The following GALNTL6 variants were observed in gnomAD, a reference collection of about 807,000 sequenced individuals.
GALNTL6 encodes the protein polypeptide N-acetylgalactosaminyltransferase-like 6.
A neutral mutation model predicts 73.7 loss-of-function variants in GALNTL6; 46 were observed. That is an observed-to-expected ratio of 0.62 (90% CI 0.49 to 0.80). GALNTL6 has a LOEUF of 0.80. Ranked by LOEUF, GALNTL6 falls within the 30% of genes least tolerant of loss-of-function variation. The probability of loss-of-function intolerance (pLI) is 0.00; values close to 1 mark genes in which losing one functional copy is unlikely to be tolerated. For missense variants in GALNTL6, 604 were observed against 755.0 expected, an observed-to-expected ratio of 0.80 and a Z score of 2.34; for synonymous variants, 259 against 263.7, an observed-to-expected ratio of 0.98 and a Z score of 0.17.
chr4:172,629,534 A>G (rs1181535424), intron 5 of GALNTL6, among the ~76,000 whole-genome samples: 2 of 152,132 alleles, frequency 1.3e-5, no homozygotes. Context: ...TTACTTTTGC[A>G]TTTAATTAAA....
At chr4:172,531,365 C>T (rs1336190751) in intron 5 of GALNTL6, among the ~76,000 whole-genome samples, 4 of 152,166 alleles carry the variant, frequency 2.6e-5, no homozygotes, top group Non-Finnish European at 5.9e-5. Context: ...GCTTTTTAAC[C>T]ATTGAGAGAA....
intron 2 of GALNTL6, among the ~76,000 whole-genome samples, chr4:172,122,118 T>G (rs761924703): frequency 2.6e-5 from 4 of 151,274 alleles, no homozygotes; most frequent in Non-Finnish European, 5.9e-5. Context: ...TATCATCTAG[T>G]ATCCCATGAC....
At chr4:172,676,368 A>G (rs1732301507) in intron 5 of GALNTL6, among the ~76,000 whole-genome samples, 1 of 152,156 alleles carries the variant, frequency 6.6e-6, no homozygotes, top group Non-Finnish European at 1.5e-5. Context: ...CAGGAGAAAA[A>G]TTCGTGAAGC....
At chr4:172,573,311 A>G (rs1736834746) in intron 5 of GALNTL6, among the ~76,000 whole-genome samples, 1 of 152,180 alleles carries the variant, frequency 6.6e-6, no homozygotes, top group Non-Finnish European at 1.5e-5. Context: ...GCTAGTTGCC[A>G]AGGTCAAGAT....
At chr4:172,539,240 A>G (rs1207196865) in intron 5 of GALNTL6, among the ~76,000 whole-genome samples, 1 of 152,204 alleles carries the variant, frequency 6.6e-6, no homozygotes, top group Admixed American at 6.5e-5. Context: ...ATGTGTGATC[A>G]TTATTAGCAT....
At chr4:171,927,231 T>C (rs1204868049) in intron 2 of GALNTL6, among the ~76,000 whole-genome samples, 1 of 152,182 alleles carries the variant, frequency 6.6e-6, no homozygotes, top group Non-Finnish European at 1.5e-5. Context: ...TTTTAACTGA[T>C]AAGATGCCTT....
intron 4 of GALNTL6, among the ~76,000 whole-genome samples, chr4:172,318,979 C>T (rs1740666266): frequency 6.6e-6 from 1 of 152,072 alleles, no homozygotes; most frequent in African/African-American, 2.4e-5. Context: ...AGAAAAAAAT[C>T]TGAAAATTTG....
intron 2 of GALNTL6, among the ~76,000 whole-genome samples, chr4:172,010,890 T>G (rs1740986212): frequency 1.3e-5 from 2 of 152,060 alleles, no homozygotes; most frequent in Non-Finnish European, 2.9e-5. Flanking sequence ...TAAGAGTAAT[T>G]TTTCAGAAAG....
chr4:172,501,312 T>A (rs1230676645), intron 5 of GALNTL6, among the ~76,000 whole-genome samples: 1 of 152,204 alleles, frequency 6.6e-6, no homozygotes, highest in African/African-American at 2.4e-5. Flanking sequence ...AAAAACCTTA[T>A]TTAGTTATCA....
rs147689461 is a variant in GALNTL6 at position 172,136,930 on chromosome 4, A to G, written c.139-92726A>G. Among the ~76,000 whole-genome samples the G allele has an allele frequency of 1.1e-3, 174 of 152,154 alleles. 1 individual carries two copies. The highest frequency in any genetic ancestry group is 8.5e-3 in the East Asian group (44 of 5,180). ...TAAATAATTAGTCCCCGAAAAACAA[A>G]GCCTGCTTATTCTTACCTTTCCTAT... On this transcript the variant is annotated intron_variant, in intron 2 of 12. Coordinates refer to ENST00000506823, the MANE Select transcript of GALNTL6 (RefSeq NM_001034845.3).
intron 3 of GALNTL6, among the ~76,000 whole-genome samples, chr4:172,269,738 CTCTT>C (rs1212189404): frequency 3.4e-5 from 5 of 146,438 alleles, no homozygotes; most frequent in Admixed American, 1.4e-4. Context: ...CTCTCTCTCT[CTCTT>C]TAATTTTTTT....
At chr4:172,601,588 C>A (rs772759345) in intron 5 of GALNTL6, among the ~76,000 whole-genome samples, 114 of 152,240 alleles carry the variant, frequency 7.5e-4, no homozygotes, top group African/African-American at 2.4e-3. Flanking sequence ...CAGCATATGC[C>A]CCTCTCCAGA....
chr4:172,455,409 A>G (rs1293289790), intron 5 of GALNTL6, among the ~76,000 whole-genome samples: 1 of 152,154 alleles, frequency 6.6e-6, no homozygotes, highest in Non-Finnish European at 1.5e-5. Context: ...CAAGTGGTCT[A>G]GCTCAGCGGA....
chr4:172,953,009 C>T (rs1749536466), intron 10 of GALNTL6, among the ~76,000 whole-genome samples: 1 of 152,186 alleles, frequency 6.6e-6, no homozygotes, highest in African/African-American at 2.4e-5. Flanking sequence ...CAATGAGGGG[C>T]CTGGCTATTT....
intron 2 of GALNTL6, among the ~76,000 whole-genome samples, chr4:172,127,217 T>C (rs1322657144): frequency 6.6e-6 from 1 of 152,234 alleles, no homozygotes; most frequent in Non-Finnish European, 1.5e-5. Flanking sequence ...GTTCACAGCA[T>C]GTAGGGGCCT....
intron 3 of GALNTL6, among the ~76,000 whole-genome samples, chr4:172,230,600 A>AG (rs1308483589): frequency 6.6e-6 from 1 of 152,036 alleles, no homozygotes; most frequent in Non-Finnish European, 1.5e-5. Flanking sequence ...AAGACAAAAA[A>AG]GAATAAGTCT....
At chr4:172,820,816 CA>C (rs1236145003) in intron 7 of GALNTL6, among the ~76,000 whole-genome samples, 3 of 152,138 alleles carry the variant, frequency 2.0e-5, no homozygotes, top group African/African-American at 7.2e-5. Flanking sequence ...ATAAAAATAC[CA>C]AAAGATGTGC....
At chr4:172,023,386 T>C (rs536882624) in intron 2 of GALNTL6, among the ~76,000 whole-genome samples, 1 of 151,908 alleles carries the variant, frequency 6.6e-6, no homozygotes, top group Non-Finnish European at 1.5e-5. Flanking sequence ...ATAACTGCTA[T>C]GCAATTATCA....
intron 2 of GALNTL6, among the ~76,000 whole-genome samples, chr4:172,092,478 A>G (rs1732232202): frequency 6.6e-6 from 1 of 152,100 alleles, no homozygotes. Context: ...GATCATGCTA[A>G]AGTTAGGTTG....
Sources: gnomAD v4.1 joint callset for allele counts (sites outside exome capture counted in the v4.1 genomes callset) on GRCh38, gnomAD v4.1.1 for gene constraint, MANE v1.5 for transcripts, NCBI Gene and HGNC (gene_info 2026-07-23, HGNC 2026-07-21) for gene names.